The following TBC1D31 variants were observed in gnomAD, a reference collection of about 807,000 sequenced individuals.
The protein encoded by TBC1D31 is WD repeat domain 67.
A neutral mutation model predicts 132.9 loss-of-function variants in TBC1D31; 99 were observed. That is an observed-to-expected ratio of 0.74 (90% CI 0.63 to 0.88). The LOEUF is 0.88. Among genes scored for constraint, TBC1D31 ranks in the 40% least tolerant of loss-of-function variants. The pLI is 0.00. For missense variants in TBC1D31, 1,134 were observed against 1,256.6 expected, an observed-to-expected ratio of 0.90 and a Z score of 1.48; for synonymous variants, 385 against 419.4, an observed-to-expected ratio of 0.92 and a Z score of 1.00.
chr8:123,072,897 G>T, intron 1 of TBC1D31, 51 bp downstream of exon 1: 2 of 1,520,168 alleles, frequency 1.3e-6, no homozygotes, highest in Non-Finnish European at 1.8e-6. Context: ...GGAGACCGGC[G>T]AGGAGGGGAC....
chr8:123,142,456 G>C lies in TBC1D31; in HGVS notation c.2835G>C (p.Lys945Asn). The change falls in exon 19 of 22, where the codon AAG becomes AAC. Residue 945 changes from lysine (K) to asparagine (N), a missense_variant and splice_region_variant. Physicochemically the swap from Lys to Asn is moderately conservative, Grantham distance 94. Transcript: ENST00000287380. ...CAATGGTGGAGGAGGAAGCCAAGAA[G>C]GTAAAAAATAGTGTTATAAACTTTT... is the stretch of plus-strand genomic sequence containing the variant. Reference protein sequence around the residue: ...INAMVEEEAKKWKEAEGKEFR... With the variant: ...INAMVEEEAKNWKEAEGKEFR... The C allele has an allele frequency of 6.5e-7, 1 of 1,532,974 alleles. No homozygotes were observed. Among genetic ancestry groups the C allele is most frequent in the Non-Finnish European group, 8.7e-7 (1 of 1,144,086 alleles). The allele number at this position is 1,532,974 out of a possible 1,614,324, so 95.0% of individuals were successfully genotyped here.
chr8:123,095,375 A>G (rs1355216089), intron 5 of TBC1D31, among the ~76,000 whole-genome samples: 1 of 152,254 alleles, frequency 6.6e-6, no homozygotes, highest in Admixed American at 6.5e-5. Context: ...AACCTTCTAT[A>G]GAAAGAAACT....
chr8:123,151,893 C>A lies in TBC1D31; in HGVS notation c.3155C>A (p.Ala1052Asp), dbSNP rs754395624. 2 of 1,589,094 alleles carry A rather than the reference C, an allele frequency of 1.3e-6. No homozygotes were observed. Among genetic ancestry groups the A allele is most frequent in the Non-Finnish European group, 1.7e-6 (2 of 1,170,878 alleles). The change falls in exon 22 of 22, where the codon GCC becomes GAC. Residue 1052 changes from alanine (A) to aspartate (D), a missense_variant. By Grantham distance (126) the Ala-to-Asp change is moderately radical. Coordinates refer to ENST00000287380, the MANE Select transcript of TBC1D31 (RefSeq NM_145647.4). ...KVRNLRQRLT[A>D]RARHRCQTPH... Reference sequence around the variant, plus strand: ...AGAAATCTTCGCCAGAGACTCACTGCCCGGGCTCGTCACAGATGTCAAACC... The same window carrying A: ...AGAAATCTTCGCCAGAGACTCACTGACCGGGCTCGTCACAGATGTCAAACC...
At chr8:123,107,382 A>G (rs1008663894) in intron 8 of TBC1D31, among the ~76,000 whole-genome samples, 8 of 152,158 alleles carry the variant, frequency 5.3e-5, no homozygotes, top group African/African-American at 1.7e-4. Flanking sequence ...TACCCCATAT[A>G]TATAACCATT....
intron 7 of TBC1D31, among the ~76,000 whole-genome samples, chr8:123,101,397 T>TTTTTG (rs1284298370): frequency 3.3e-5 from 5 of 152,102 alleles, no homozygotes; most frequent in Non-Finnish European, 7.4e-5. Flanking sequence ...AACTTGTTTG[T>TTTTTG]TTTTGTTTTG....
At chr8:123,083,883 CT>C in intron 3 of TBC1D31, 1 of 318,026 alleles carries the variant, frequency 3.1e-6, no homozygotes, top group East Asian at 5.8e-5. Flanking sequence ...ATAAAATTAC[CT>C]GCAAGAGAAA....
the TBC1D31 span, among the ~76,000 whole-genome samples, chr8:123,157,706 C>T: frequency 8.5e-6 from 1 of 118,322 alleles, no homozygotes; most frequent in Non-Finnish European, 1.7e-5. Flanking sequence ...AAAACACACA[C>T]GGGCGCGCGC....
chr8:123,083,861 G>T, intron 3 of TBC1D31: 1 of 268,394 alleles, frequency 3.7e-6, no homozygotes, highest in Non-Finnish European at 7.0e-6. Flanking sequence ...ACTAGATATG[G>T]TACTCTTTTA....
At chr8:123,126,014 G>T in intron 11 of TBC1D31, 42 bp from the exon 12 acceptor site, 1 of 1,492,834 alleles carries the variant, frequency 6.7e-7, no homozygotes, top group East Asian at 2.3e-5. Context: ...TGATAACATG[G>T]AAAGATATTT....
intron 19 of TBC1D31, 93 bp from the exon 20 acceptor site, chr8:123,144,624 G>A: frequency 8.2e-7 from 1 of 1,224,126 alleles, no homozygotes; most frequent in Non-Finnish European, 1.1e-6. Context: ...ATAAAGGAAA[G>A]TGGATAGAGA....
chr8:123,093,743 G>C lies in TBC1D31; in HGVS notation c.671+1G>C. 6.4e-7 allele frequency: 1 copy of C among 1,560,898 alleles called. No homozygotes were observed. Among genetic ancestry groups the C allele is most frequent in the African/African-American group, 1.4e-5 (1 of 74,028 alleles). On this transcript the variant is annotated splice_donor_variant, in intron 5 of 21. Coordinates refer to ENST00000287380, the MANE Select transcript of TBC1D31 (RefSeq NM_145647.4). LOFTEE classifies it high-confidence loss of function. Reference sequence around the variant, plus strand: ...TATACAAAGTGTTTGCTGTAACCAGGTAATGTGCATTTTAAGACACTAGGA... The same window carrying C: ...TATACAAAGTGTTTGCTGTAACCAGCTAATGTGCATTTTAAGACACTAGGA...
chr8:123,073,300 A>T, intron 1 of TBC1D31: 1 of 458,056 alleles, frequency 2.2e-6, no homozygotes, highest in Non-Finnish European at 4.4e-6. Context: ...AAATCCTTGG[A>T]TGTGTTTAGA....
chr8:123,153,382 C>T (rs976135961), downstream of TBC1D31, among the ~76,000 whole-genome samples: 3 of 152,146 alleles, frequency 2.0e-5, no homozygotes, highest in Non-Finnish European at 4.4e-5. Context: ...ACGCCACATA[C>T]GCATACAAAA....
the TBC1D31 span, among the ~76,000 whole-genome samples, chr8:123,157,357 C>T: frequency 1.1e-4 from 16 of 152,108 alleles, no homozygotes; most frequent in Non-Finnish European, 1.3e-4. Context: ...TGGTCTGCTG[C>T]GCATGCCCAC....
chr8:123,081,994 A>G (rs1285112113), intron 2 of TBC1D31, among the ~76,000 whole-genome samples: 1 of 152,236 alleles, frequency 6.6e-6, no homozygotes, highest in Non-Finnish European at 1.5e-5. Context: ...TTACTTTTCT[A>G]ATATGGCTCC....
chr8:123,154,068 T>G (rs1211914499), downstream of TBC1D31, among the ~76,000 whole-genome samples: 1 of 152,236 alleles, frequency 6.6e-6, no homozygotes, highest in Non-Finnish European at 1.5e-5. Context: ...TGAGCAAGAT[T>G]TCGGCATTTG....
At chr8:123,156,679 A>G (rs917991861), downstream of TBC1D31, among the ~76,000 whole-genome samples, 1 of 152,100 alleles carries the variant, frequency 6.6e-6, no homozygotes, top group African/African-American at 2.4e-5. Context: ...GGCATATGGT[A>G]TACCGCAGCT....
intron 3 of TBC1D31, 93 bp from the exon 4 acceptor site, chr8:123,084,069 C>A: frequency 9.4e-7 from 1 of 1,058,480 alleles, no homozygotes; most frequent in Non-Finnish European, 1.4e-6. Flanking sequence ...ACCTAACCAC[C>A]CATTGCATCA....
chr8:123,149,985 C>A, intron 20 of TBC1D31, 51 bp from the exon 21 acceptor site: 1 of 1,341,894 alleles, frequency 7.5e-7, no homozygotes, highest in Non-Finnish European at 1.1e-6. Context: ...AATTAGTAAG[C>A]CTTTCTACTC....
Sources: gnomAD v4.1 joint callset for allele counts (sites outside exome capture counted in the v4.1 genomes callset) on GRCh38, gnomAD v4.1.1 for gene constraint, MANE v1.5 for transcripts, NCBI Gene and HGNC (gene_info 2026-07-23, HGNC 2026-07-21) for gene names.